Variants in GPKOW observed in about 807,000 individuals in gnomAD.
The protein encoded by GPKOW is G-patch domain and KOW motifs-containing protein.
For synonymous variants in GPKOW, 167 were observed against 159.1 expected, an observed-to-expected ratio of 1.05 and a Z score of -0.37; for missense variants, 359 against 404.7, an observed-to-expected ratio of 0.89 and a Z score of 0.97.
chrX:49,115,526 A>G (rs868976171), intron 9 of GPKOW, among the ~76,000 whole-genome samples, 200 bp downstream of exon 9: 4 of 107,678 alleles, frequency 3.7e-5, no homozygotes, highest in Non-Finnish European at 5.8e-5. Context: ...AAAAAAGAAA[A>G]AAAAGAAAAC....
chrX:49,114,432 C>A (rs1386800623), intron 9 of GPKOW, among the ~76,000 whole-genome samples: 1 of 106,427 alleles, frequency 9.4e-6, no homozygotes, highest in African/African-American at 3.4e-5. Flanking sequence ...AGCCACCGCG[C>A]CCAGCCTACA....
chrX:49,121,256 G>A (rs782413974), intron 3 of GPKOW, among the ~76,000 whole-genome samples: 7 of 109,647 alleles, frequency 6.4e-5, no homozygotes, highest in East Asian at 2.9e-4. Context: ...GCGAAACCTC[G>A]TCTCTACTAA....
chrX:49,117,005 C>T (rs1049102202), intron 6 of GPKOW, 25 bp downstream of exon 6: 10 of 1,199,611 alleles, frequency 8.3e-6, no homozygotes, highest in Non-Finnish European at 1.1e-5. Flanking sequence ...GCCAACTCCC[C>T]TAGCTCTACA....
intron 4 of GPKOW, among the ~76,000 whole-genome samples, chrX:49,119,020 C>T (rs1172797929): frequency 4.1e-5 from 4 of 97,941 alleles, no homozygotes; most frequent in Non-Finnish European, 2.0e-5. Context: ...GGTGCAATTT[C>T]GGCTCACTGC....
In GPKOW at chrX:49,117,177, G is replaced by A. The variant is rs782023974; in HGVS notation, c.781-15C>T. 15 of 1,208,486 alleles carry A rather than the reference G, an allele frequency of 1.2e-5. No individual in the cohort carries two copies. The highest frequency in any genetic ancestry group is 6.5e-5 in the Admixed American group (3 of 45,887). On this transcript the variant is annotated splice_polypyrimidine_tract_variant and intron_variant, in intron 5 of 10. Transcript: ENST00000156109. ...AGGCCTTCCACCTAAAGTGTTGAGG[G>A]GAAGAAGTCAGGTAGGGGTTGTGGA...
chrX:49,117,412 G>A (rs1336117929), intron 5 of GPKOW, among the ~76,000 whole-genome samples, 185 bp downstream of exon 5: 1 of 111,602 alleles, frequency 9.0e-6, no homozygotes, highest in Non-Finnish European at 1.9e-5. Context: ...CTTTTAGCTG[G>A]GAACTGAGGC....
At chrX:49,119,231 A>G (rs1179274486) in intron 4 of GPKOW, among the ~76,000 whole-genome samples, 1 of 110,030 alleles carries the variant, frequency 9.1e-6, no homozygotes, top group Non-Finnish European at 1.9e-5. Context: ...TGCTGGGATT[A>G]TATGTGTGAG....
chrX:49,113,949 G>A lies in GPKOW; in HGVS notation c.1211-11C>T. ...TGTCTTCCCTCAGGCCTATGGATAA[G>A]GGAGAGGGGAGTGAGGCCCACAGCA... On this transcript the variant is annotated splice_polypyrimidine_tract_variant and intron_variant, in intron 9 of 10. Coordinates refer to ENST00000156109, the MANE Select transcript of GPKOW (RefSeq NM_015698.6). 1 of 1,137,163 alleles carries A rather than the reference G, an allele frequency of 8.8e-7. No individual in the cohort carries two copies. The highest frequency in any genetic ancestry group is 1.2e-6 in the Non-Finnish European group (1 of 827,902). The allele number at this position is 1,137,163 out of a possible 1,213,427, so 93.7% of individuals were successfully genotyped here.
chrX:49,122,269 T>C (rs2065215380), intron 3 of GPKOW, 129 bp downstream of exon 3: 1 of 416,160 alleles, frequency 2.4e-6, no homozygotes, highest in African/African-American at 3.0e-5. Context: ...TCCAAAATGA[T>C]GACAGGAGAA....
intron 4 of GPKOW, 51 bp downstream of exon 4, chrX:49,119,654 G>T (rs782609796): frequency 5.8e-5 from 45 of 771,378 alleles, no homozygotes; most frequent in Admixed American, 8.2e-5. Context: ...TGGGGATCTT[G>T]ATTGCAGCCT....
chrX:49,116,127 T>C (rs2065192862), intron 7 of GPKOW, 94 bp downstream of exon 7: 5 of 1,120,118 alleles, frequency 4.5e-6, no homozygotes, highest in Non-Finnish European at 6.1e-6. Context: ...CCGTTCCTTC[T>C]ATGAGCCCGC....
chrX:49,116,142 C>T, intron 7 of GPKOW, 79 bp downstream of exon 7: 1 of 1,095,472 alleles, frequency 9.1e-7, no homozygotes, highest in Non-Finnish European at 1.3e-6. Flanking sequence ...GCCCGCCTTG[C>T]CTTGGAAGCC....
At chrX:49,122,911 C>T (rs2065218828) in intron 1 of GPKOW, 135 bp from the exon 2 acceptor site, 1 of 501,795 alleles carries the variant, frequency 2.0e-6, no homozygotes, top group Admixed American at 3.6e-5. Flanking sequence ...ATGTCTGGAT[C>T]TCCTGTTCCT....
At chrX:49,119,078 A>C (rs1260049680) in intron 4 of GPKOW, among the ~76,000 whole-genome samples, 2 of 105,253 alleles carry the variant, frequency 1.9e-5, no homozygotes, top group African/African-American at 7.0e-5. Context: ...CAGCCTCCTG[A>C]GTAGCTGGGA....
chrX:49,117,643 C>T lies in GPKOW; in HGVS notation c.734G>A (p.Gly245Glu), dbSNP rs1324746854. ...EDQPQGLVPGGAVVVLSGPHR... is the reference protein window; with the variant it reads ...EDQPQGLVPGEAVVVLSGPHR... ...AGGGCCAGAAAGAACCACCACAGCTCCTCCAGGCACCAGCCCTTGAGGCTG... is the reference window on the plus strand; with the variant it reads ...AGGGCCAGAAAGAACCACCACAGCTTCTCCAGGCACCAGCCCTTGAGGCTG... The change falls in exon 5 of 11, where the codon GGA (glycine) becomes GAA (glutamate). Residue 245 changes from glycine (G) to glutamate (E), a missense_variant. Transcript: ENST00000156109. 4 of 1,209,324 alleles carry T rather than the reference C, an allele frequency of 3.3e-6. No homozygotes were observed. The highest frequency in any genetic ancestry group is 3.4e-6 in the Non-Finnish European group (3 of 894,487).
At chrX:49,116,999 A>G in intron 6 of GPKOW, 31 bp downstream of exon 6, 1 of 1,184,972 alleles carries the variant, frequency 8.4e-7, no homozygotes. Flanking sequence ...TGCGTTGCCA[A>G]CTCCCCTAGC....
Position 49,117,815 on chromosome X carries a change from AG to A in GPKOW, c.567-6del. On this transcript the variant is annotated splice_polypyrimidine_tract_variant and splice_region_variant and intron_variant, in intron 4 of 10. Transcript: ENST00000156109. ...TTGACACGGGGCTTCACTACTCTGC[AG>A]GGAGGAATATGGGTTTGTTGGAGAG... is the stretch of plus-strand genomic sequence containing the variant. 1 of 1,145,955 alleles carries A rather than the reference AG, an allele frequency of 8.7e-7. No individual in the cohort carries two copies. Among genetic ancestry groups the A allele is most frequent in the Admixed American group, 2.3e-5 (1 of 42,586 alleles). 94.4% of individuals were successfully genotyped at this position (1,145,955 alleles called of 1,213,427 possible). A position where few individuals can be genotyped will look rare whatever the true frequency, so the allele number is the denominator to read the frequency against.
chrX:49,121,964 G>A (rs1218486484), intron 3 of GPKOW, among the ~76,000 whole-genome samples: 3 of 111,509 alleles, frequency 2.7e-5, no homozygotes, highest in East Asian at 5.6e-4. Context: ...TATGCTCAGG[G>A]CTTGTCCAGG....
In GPKOW at chrX:49,114,922, C is replaced by CA. The variant is rs1169588195; in HGVS notation, c.1210+803dup. On this transcript the variant is annotated intron_variant, in intron 9 of 10. Coordinates refer to ENST00000156109, the MANE Select transcript of GPKOW (RefSeq NM_015698.6). ...CCTGGGTGACAGAGTGACTCTGTTTCAAAAAAAAAAAAAAAAAAAAAAAAA... is the reference window on the plus strand; with the variant it reads ...CCTGGGTGACAGAGTGACTCTGTTTCAAAAAAAAAAAAAAAAAAAAAAAAAA... 3.1e-3 allele frequency among the ~76,000 whole-genome samples: 141 copies of CA among 45,562 alleles called. 4 individuals carry two copies. Among genetic ancestry groups the CA allele is most frequent in the African/African-American group, 0.017 (133 of 7,852 alleles). 39.6% of individuals were successfully genotyped at this position (45,562 alleles called of 115,157 possible). A position where few individuals can be genotyped will look rare whatever the true frequency, so the allele number is the denominator to read the frequency against.
Sources: gnomAD v4.1 joint callset for allele counts (sites outside exome capture counted in the v4.1 genomes callset) on GRCh38, gnomAD v4.1.1 for gene constraint, MANE v1.5 for transcripts, NCBI Gene and HGNC (gene_info 2026-07-23, HGNC 2026-07-21) for gene names.